Variants in MICAL2 observed in about 807,000 individuals in gnomAD.
MICAL2 encodes the protein microtubule associated monooxygenase, calponin and LIM domain containing 2.
Under a neutral mutation model 127.3 loss-of-function variants are expected in MICAL2, and 77 were observed. The ratio of observed to expected loss-of-function variants is 0.60; its 90% CI spans 0.50 to 0.73. The LOEUF (loss-of-function observed/expected upper bound fraction) is 0.73, where lower values mean the gene tolerates loss of function less well. Ranked by LOEUF, MICAL2 falls within the 30% of genes least tolerant of loss-of-function variation. The probability of loss-of-function intolerance (pLI) is 0.00; values close to 1 mark genes in which losing one functional copy is unlikely to be tolerated. For synonymous variants in MICAL2, 570 were observed against 551.1 expected, an observed-to-expected ratio of 1.03 and a Z score of -0.48; for missense variants, 1,351 against 1,434.4, an observed-to-expected ratio of 0.94 and a Z score of 0.94.
chr11:12,155,090 C>T (rs537410214), intron 2 of MICAL2, among the ~76,000 whole-genome samples: 47 of 152,236 alleles, frequency 3.1e-4, no homozygotes, highest in Middle Eastern at 3.4e-3. Context: ...CTCACATGGG[C>T]GGTGCAAGCT....
intron 22 of MICAL2, among the ~76,000 whole-genome samples, chr11:12,249,734 G>A (rs779913476): frequency 2.6e-5 from 4 of 152,238 alleles, no homozygotes; most frequent in Non-Finnish European, 5.9e-5. Context: ...CTCCTGGCAG[G>A]CTGTGTGGCC....
chr11:12,340,031 C>G (rs2134879153), intron 32 of MICAL2, among the ~76,000 whole-genome samples: 1 of 152,358 alleles, frequency 6.6e-6, no homozygotes, highest in South Asian at 2.1e-4. Flanking sequence ...GAGCTATAGA[C>G]TGGAGCTGTT....
upstream of MICAL2, among the ~76,000 whole-genome samples, chr11:12,274,093 A>C (rs1192922496): frequency 2.6e-5 from 4 of 152,164 alleles, no homozygotes; most frequent in African/African-American, 9.7e-5. Flanking sequence ...GCATATTTAA[A>C]TATAGACAGG....
At chr11:12,260,767 T>C in intron 26 of MICAL2, 1 of 985,462 alleles carries the variant, frequency 1.0e-6, no homozygotes, top group South Asian at 4.7e-5. Flanking sequence ...TGGTTGGCTG[T>C]TATCTGTCCC....
In MICAL2 at chr11:12,158,415, C is replaced by A. The variant is rs118188881; in HGVS notation, c.-77-3664C>A. Among the ~76,000 whole-genome samples the A allele has an allele frequency of 9.3e-3, 1,412 of 152,078 alleles. 7 individuals are homozygous for A. The highest frequency in any genetic ancestry group is 0.015 in the Non-Finnish European group (996 of 67,982). On this transcript the variant is annotated intron_variant, in intron 2 of 27. Transcript: ENST00000683283. ...ACATGATCTCACTGATTCCTTAGAG[C>A]CCCATGAAGTGAGGAGAACAGGTGG...
At chr11:12,263,986 G>C (rs187340785), downstream of MICAL2, among the ~76,000 whole-genome samples, 474 of 152,178 alleles carry the variant, frequency 3.1e-3, 4 homozygotes, top group Non-Finnish European at 3.2e-3. Context: ...ATGCTCCTGG[G>C]CTAGGCTTTG....
intron 20 of MICAL2, 24 bp from the exon 21 acceptor site, chr11:12,243,963 T>C (rs1485382498): frequency 6.2e-7 from 1 of 1,612,758 alleles, no homozygotes; most frequent in East Asian, 2.2e-5. Flanking sequence ...TAATCCTTGT[T>C]TCTTCTATTT....
intron 32 of MICAL2, among the ~76,000 whole-genome samples, chr11:12,338,021 G>T (rs1477096212): frequency 6.6e-6 from 1 of 152,132 alleles, no homozygotes; most frequent in East Asian, 1.9e-4. Flanking sequence ...TTAAGTTTCT[G>T]TCTCGTTGAT....
intron 21 of MICAL2, among the ~76,000 whole-genome samples, chr11:12,244,735 T>C (rs1048289341): frequency 6.6e-6 from 1 of 152,162 alleles, no homozygotes; most frequent in South Asian, 2.1e-4. Flanking sequence ...GGGGCTAGCC[T>C]GTGCAAAGGC....
intron 1 of MICAL2, among the ~76,000 whole-genome samples, chr11:12,113,376 G>A (rs763925853): frequency 2.2e-4 from 34 of 152,164 alleles, no homozygotes; most frequent in Non-Finnish European, 3.8e-4. Context: ...CAAGACTGCT[G>A]TCTTTAGTAA....
At chr11:12,324,345 G>A (rs953441438) in intron 31 of MICAL2, among the ~76,000 whole-genome samples, 2 of 152,156 alleles carry the variant, frequency 1.3e-5, no homozygotes, top group Non-Finnish European at 2.9e-5. Context: ...AAGAGCCAAC[G>A]CATGGCCTTG....
At chr11:12,245,434 G>C (rs973426143) in intron 21 of MICAL2, among the ~76,000 whole-genome samples, 1 of 152,210 alleles carries the variant, frequency 6.6e-6, no homozygotes, top group South Asian at 2.1e-4. Flanking sequence ...ACCCCTGTTG[G>C]CCTCCACCTC....
intron 1 of MICAL2, among the ~76,000 whole-genome samples, chr11:12,278,917 T>C (rs1350551911): frequency 6.6e-6 from 1 of 152,172 alleles, no homozygotes; most frequent in Non-Finnish European, 1.5e-5. Flanking sequence ...TCTTTGTGGA[T>C]GTCAGGTAAG....
chr11:12,266,908 C>G (rs1310943151), downstream of MICAL2, among the ~76,000 whole-genome samples: 1 of 152,168 alleles, frequency 6.6e-6, no homozygotes, highest in Non-Finnish European at 1.5e-5. Context: ...TTGCCATGTT[C>G]TAGATAGCAC....
chr11:12,356,973 A>G (rs1939138498), intron 34 of MICAL2, among the ~76,000 whole-genome samples: 1 of 152,180 alleles, frequency 6.6e-6, no homozygotes, highest in South Asian at 2.1e-4. Context: ...GAGATATGAC[A>G]TTACCTGTCC....
intron 21 of MICAL2, among the ~76,000 whole-genome samples, chr11:12,247,398 G>A (rs187065403): frequency 1.1e-4 from 16 of 152,236 alleles, no homozygotes; most frequent in South Asian, 4.2e-4. Context: ...GGGCTATTTC[G>A]ACAGCTTCCA....
At chr11:12,290,822 T>G (rs1863888665), downstream of MICAL2, among the ~76,000 whole-genome samples, 1 of 152,120 alleles carries the variant, frequency 6.6e-6, no homozygotes, top group Non-Finnish European at 1.5e-5. Context: ...CATTGATGTA[T>G]GGGGGAAGGC....
upstream of MICAL2, among the ~76,000 whole-genome samples, chr11:12,274,940 G>A (rs115317133): frequency 7.0e-3 from 1,060 of 152,006 alleles, 10 homozygotes; most frequent in African/African-American, 0.024. Context: ...AGGCAGGGAC[G>A]GAGGCCAGGC....
chr11:12,260,187 C>G, intron 26 of MICAL2: 2 of 1,485,876 alleles, frequency 1.3e-6, no homozygotes, highest in Middle Eastern at 1.8e-4. Flanking sequence ...GCTGGCTGCC[C>G]CAAAGTGCCT....
Sources: allele counts gnomAD v4.1 joint callset (sites outside exome capture counted in the v4.1 genomes callset), GRCh38; gene constraint gnomAD v4.1.1; transcripts MANE v1.5; gene names NCBI Gene and HGNC (gene_info 2026-07-23, HGNC 2026-07-21).